The following STK10 variants were observed in gnomAD, a reference collection of about 807,000 sequenced individuals.
The protein encoded by STK10 is serine/threonine-protein kinase 10.
A neutral mutation model predicts 113.8 loss-of-function variants in STK10; 78 were observed. The observed-to-expected ratio is 0.69, with a 90% CI of 0.57 to 0.83. STK10 has a LOEUF of 0.83. Ranked by LOEUF, STK10 falls within the 40% of genes least tolerant of loss-of-function variation. The pLI is 0.00. For missense variants in STK10, 1,109 were observed against 1,280.1 expected (o/e 0.87, Z 2.04); for synonymous variants, 465 against 494.7 (o/e 0.94, Z 0.80).
intron 2 of STK10, among the ~76,000 whole-genome samples, chr5:172,128,132 C>T (rs182302431): frequency 2.3e-4 from 34 of 147,694 alleles, no homozygotes; most frequent in African/African-American, 2.8e-4. Context: ...GCAGAAAGGA[C>T]GATTACAGTA....
At chr5:172,049,255 A>G (rs1021664400) in intron 18 of STK10, among the ~76,000 whole-genome samples, 3 of 152,170 alleles carry the variant, frequency 2.0e-5, no homozygotes, top group Non-Finnish European at 2.9e-5. Context: ...ACACAAACGA[A>G]TGAACCATCA....
intron 13 of STK10, among the ~76,000 whole-genome samples, chr5:172,062,288 A>T (rs1041523223): frequency 6.6e-6 from 1 of 152,204 alleles, no homozygotes. Context: ...AAATTAAAAT[A>T]AAAAAATTTA....
chr5:172,046,837 G>C (rs1767504720), intron 18 of STK10, among the ~76,000 whole-genome samples: 1 of 152,180 alleles, frequency 6.6e-6, no homozygotes, highest in Admixed American at 6.5e-5. Flanking sequence ...AATATAGGTG[G>C]TGGGCCAGAT....
chr5:172,081,643 T>A (rs1347599424), intron 12 of STK10, among the ~76,000 whole-genome samples: 2 of 151,902 alleles, frequency 1.3e-5, no homozygotes, highest in East Asian at 3.9e-4. Context: ...ATGCCCACCA[T>A]GGTAAAGTCT....
At chr5:172,135,846 G>A (rs2113795975) in intron 2 of STK10, among the ~76,000 whole-genome samples, 1 of 152,136 alleles carries the variant, frequency 6.6e-6, no homozygotes, top group South Asian at 2.1e-4. Flanking sequence ...GGCCAACATA[G>A]AGAAACCCTG....
intron 2 of STK10, among the ~76,000 whole-genome samples, chr5:172,148,261 T>C (rs531970585): frequency 6.3e-4 from 96 of 152,070 alleles, no homozygotes; most frequent in African/African-American, 2.3e-3. Context: ...CCAATCCCAC[T>C]CTGTGCATGA....
chr5:172,139,060 A>C (rs1300061771), intron 2 of STK10, among the ~76,000 whole-genome samples: 5 of 152,202 alleles, frequency 3.3e-5, no homozygotes, highest in Non-Finnish European at 7.3e-5. Flanking sequence ...TATAAATGGA[A>C]GACATCCCAG....
intron 2 of STK10, among the ~76,000 whole-genome samples, chr5:172,146,460 G>A (rs1043801047): frequency 3.3e-5 from 5 of 152,048 alleles, no homozygotes; most frequent in Non-Finnish European, 5.9e-5. Context: ...CAAGGAAAAC[G>A]GAACACAGCC....
Position 172,093,681 on chromosome 5 carries a change from G to A in STK10, c.1285C>T (p.Gln429Ter), listed in dbSNP as rs1768775071. ...DARIQVAQEK[Q>*]VAEQGGDLSP... ...AGGTCCCCACCCTGCTCAGCAACTTGCTTCTCCTGGGCTACCTGAATTCTG... is the reference window on the plus strand; with the variant it reads ...AGGTCCCCACCCTGCTCAGCAACTTACTTCTCCTGGGCTACCTGAATTCTG... Residue 429 changes from glutamine to a stop codon, truncating the protein, a stop_gained, in exon 9 of 19, where the codon CAA (glutamine) becomes TAA (stop). Transcript: ENST00000176763. LOFTEE classifies it high-confidence loss of function. This position sits in a 1 kb window ranked among gnomAD's most constrained non-coding sequence, Gnocchi z 4.1. 1 of 1,614,228 alleles carries A rather than the reference G, an allele frequency of 6.2e-7. No individual in the cohort carries two copies. The highest frequency in any genetic ancestry group is 1.3e-5 in the African/African-American group (1 of 75,064).
chr5:172,095,090 C>T (rs1204295776), intron 8 of STK10, among the ~76,000 whole-genome samples: 1 of 152,212 alleles, frequency 6.6e-6, no homozygotes, highest in Non-Finnish European at 1.5e-5. Flanking sequence ...AGTCACTGTC[C>T]TATGGTCTCT....
intron 12 of STK10, among the ~76,000 whole-genome samples, chr5:172,078,922 T>C (rs1348346607): frequency 6.8e-6 from 1 of 147,448 alleles, no homozygotes; most frequent in Non-Finnish European, 1.5e-5. Flanking sequence ...CTCTGTCGCC[T>C]CCTCTCTCTC....
intron 4 of STK10, among the ~76,000 whole-genome samples, chr5:172,110,881 C>T (rs1055810822): frequency 5.9e-5 from 9 of 152,166 alleles, no homozygotes; most frequent in Non-Finnish European, 1.2e-4. Context: ...GCCAGTCCAG[C>T]CTTTTTCAGG....
intron 4 of STK10, chr5:172,114,473 A>ATATATATTTT (rs1226289994): frequency 1.5e-4 from 7 of 47,540 alleles, no homozygotes; most frequent in Admixed American, 7.1e-4. Context: ...ATATATATAT[A>ATATATATTTT]TTTTTTTTTT....
chr5:172,154,619 C>A (rs1411363732), intron 2 of STK10, among the ~76,000 whole-genome samples: 2 of 152,172 alleles, frequency 1.3e-5, no homozygotes, highest in East Asian at 3.9e-4. Flanking sequence ...AAGAAATGGT[C>A]TTGGCCACAG....
chr5:172,082,827 C>G lies in STK10; in HGVS notation c.1809+134G>C. ...TTAACAAGTCACTGCCTAACAAGAT[C>G]GGGAAGCCCCCAGGAATTGGGCAAT... On this transcript the variant is annotated intron_variant, in intron 11 of 18. Transcript: ENST00000176763. This position sits in a 1 kb window ranked among gnomAD's most constrained non-coding sequence, Gnocchi z 4.3. 1 of 1,393,934 alleles carries G rather than the reference C, an allele frequency of 7.2e-7. No individual in the cohort carries two copies. The highest frequency in any genetic ancestry group is 9.7e-7 in the Non-Finnish European group (1 of 1,033,340). The allele number at this position is 1,393,934 out of a possible 1,614,324, so 86.3% of individuals were successfully genotyped here.
At chr5:172,114,577 G>A (rs1769332136) in intron 4 of STK10, 1 of 140,084 alleles carries the variant, frequency 7.1e-6, no homozygotes. Context: ...CCGCCTCCCG[G>A]GTTCACGCCA....
chr5:172,083,235 T>C, intron 10 of STK10, 151 bp from the exon 11 acceptor site: 1 of 927,056 alleles, frequency 1.1e-6, no homozygotes, highest in Non-Finnish European at 1.6e-6. Context: ...CTTCATTTGA[T>C]ATTTATTGAC....
intron 10 of STK10, among the ~76,000 whole-genome samples, chr5:172,085,785 T>C (rs1265007425): frequency 1.3e-5 from 2 of 152,082 alleles, no homozygotes; most frequent in South Asian, 2.1e-4. Flanking sequence ...CTAGGCCTCC[T>C]GACTGAACTG....
At chr5:172,183,220 A>G (rs1160045633) in intron 1 of STK10, among the ~76,000 whole-genome samples, 1 of 152,018 alleles carries the variant, frequency 6.6e-6, no homozygotes, top group Non-Finnish European at 1.5e-5. Context: ...AAACAAACAA[A>G]AAGAAGCAGA....
Sources: gnomAD v4.1 joint callset for allele counts (sites outside exome capture counted in the v4.1 genomes callset) on GRCh38, gnomAD v4.1.1 for gene constraint, Gnocchi (gnomAD v3.1) non-coding constraint, MANE v1.5 for transcripts, NCBI Gene and HGNC (gene_info 2026-07-23, HGNC 2026-07-21) for gene names.